Variants in APBB1IP observed in about 807,000 individuals in gnomAD.
The protein encoded by APBB1IP is amyloid beta A4 precursor protein-binding family B member 1-interacting protein.
APBB1IP carries 27 observed loss-of-function variants against 64.9 expected under a neutral mutation model. The observed-to-expected ratio is 0.42, with a 90% CI of 0.31 to 0.57. The LOEUF is 0.57. Among genes scored for constraint, APBB1IP ranks in the 20% least tolerant of loss-of-function variants. The pLI, the probability that APBB1IP is intolerant of heterozygous loss-of-function variation, is 0.20. For missense variants in APBB1IP, 812 were observed against 845.5 expected, an observed-to-expected ratio of 0.96 and a Z score of 0.49; for synonymous variants, 392 against 331.0, an observed-to-expected ratio of 1.18 and a Z score of -2.00.
At chr10:26,454,874 T>C (rs756930520) in intron 2 of APBB1IP, among the ~76,000 whole-genome samples, 1 of 152,168 alleles carries the variant, frequency 6.6e-6, no homozygotes, top group Non-Finnish European at 1.5e-5. Flanking sequence ...AGATACCACC[T>C]CACATCCATT....
rs111753740 is a variant in APBB1IP at position 26,478,074 on chromosome 10, G to A, written c.1-14253G>A. Among the ~76,000 whole-genome samples, 526 of 152,298 alleles carry A rather than the reference G, an allele frequency of 3.5e-3. 7 individuals carry two copies. Among genetic ancestry groups the A allele is most frequent in the African/African-American group, 0.012 (496 of 41,570 alleles). ...TCCCTGCCCTCACCGGGCTTACACC[G>A]TAGTTGATGAGCGGGAAGAGAGTAT... On this transcript the variant is annotated intron_variant, in intron 2 of 14. Transcript: ENST00000376236.
intron 11 of APBB1IP, among the ~76,000 whole-genome samples, chr10:26,550,172 T>C (rs979762946): frequency 5.3e-5 from 8 of 152,172 alleles, no homozygotes; most frequent in Admixed American, 3.9e-4. Flanking sequence ...CTTGCTGCTT[T>C]CAGGTGCATC....
chr10:26,517,618 G>GT (rs1564366988), intron 8 of APBB1IP, among the ~76,000 whole-genome samples: 2 of 152,094 alleles, frequency 1.3e-5, no homozygotes, highest in Admixed American at 1.3e-4. Context: ...TTTTGTTTTT[G>GT]TTTTTTTGAG....
chr10:26,530,851 A>G (rs1278083189), intron 8 of APBB1IP, among the ~76,000 whole-genome samples: 1 of 152,166 alleles, frequency 6.6e-6, no homozygotes, highest in Admixed American at 6.5e-5. Flanking sequence ...GTAAAGCCTT[A>G]GCATAGGTTT....
intron 11 of APBB1IP, among the ~76,000 whole-genome samples, chr10:26,542,698 A>G (rs1836711647): frequency 6.6e-6 from 1 of 152,024 alleles, no homozygotes; most frequent in African/African-American, 2.4e-5. Context: ...TCAAATAATA[A>G]TTGGTTGAAA....
chr10:26,449,287 G>A (rs1835439450), intron 2 of APBB1IP, among the ~76,000 whole-genome samples: 1 of 152,124 alleles, frequency 6.6e-6, no homozygotes, highest in South Asian at 2.1e-4. Flanking sequence ...GGACTTGGGT[G>A]TGTGTTTATG....
At chr10:26,439,282 G>A (rs1323628267) in intron 2 of APBB1IP, among the ~76,000 whole-genome samples, 1 of 152,188 alleles carries the variant, frequency 6.6e-6, no homozygotes, top group Non-Finnish European at 1.5e-5. Flanking sequence ...AAGATTAGAT[G>A]TGGATTAAAT....
At chr10:26,498,380 G>T (rs984986086) in intron 4 of APBB1IP, among the ~76,000 whole-genome samples, 12 of 151,982 alleles carry the variant, frequency 7.9e-5, no homozygotes, top group Non-Finnish European at 1.5e-4. Context: ...AAGGTGGCGG[G>T]CACCTGTAAT....
chr10:26,521,904 C>T (rs1836406437), intron 8 of APBB1IP, among the ~76,000 whole-genome samples: 1 of 152,118 alleles, frequency 6.6e-6, no homozygotes, highest in South Asian at 2.1e-4. Context: ...GCATGCGCCA[C>T]CATGCCCAGC....
chr10:26,534,846 C>T (rs1469457684), intron 9 of APBB1IP, among the ~76,000 whole-genome samples: 1 of 152,160 alleles, frequency 6.6e-6, no homozygotes, highest in African/African-American at 2.4e-5. Flanking sequence ...ATGCTATGAA[C>T]AATCGTTATC....
chr10:26,462,205 C>G (rs1835601440), intron 2 of APBB1IP, among the ~76,000 whole-genome samples: 1 of 152,218 alleles, frequency 6.6e-6, no homozygotes. Flanking sequence ...AAAAGTTTCC[C>G]AAGTCCTGCC....
chr10:26,503,288 C>A lies in APBB1IP; in HGVS notation c.531+14C>A, dbSNP rs555032115. ...AAGGTTAAGAAGGTGAATCATGAAT[C>A]CCTTTTGCATGGGGGCAGTTCAATT... On this transcript the variant is annotated intron_variant, in intron 6 of 14. Transcript: ENST00000376236. 6 of 1,613,576 alleles carry A rather than the reference C, an allele frequency of 3.7e-6. No homozygotes were observed. The African/African-American group carries it at 8.0e-5, about 22-fold the overall frequency.
intron 9 of APBB1IP, among the ~76,000 whole-genome samples, chr10:26,534,369 C>G (rs1836593409): frequency 6.6e-6 from 1 of 150,628 alleles, no homozygotes; most frequent in South Asian, 2.1e-4. Context: ...TGCCAGATCT[C>G]AAATCACAAA....
chr10:26,553,791 C>T (rs1836861645), intron 11 of APBB1IP, among the ~76,000 whole-genome samples: 1 of 152,164 alleles, frequency 6.6e-6, no homozygotes, highest in Non-Finnish European at 1.5e-5. Flanking sequence ...GTGGAAACTG[C>T]TATTATTAAG....
At chr10:26,493,052 C>T (rs1835976896) in intron 3 of APBB1IP, among the ~76,000 whole-genome samples, 1 of 152,180 alleles carries the variant, frequency 6.6e-6, no homozygotes, top group South Asian at 2.1e-4. Context: ...ATTCTTTTCC[C>T]AGGGCTATTA....
chr10:26,543,736 C>T (rs1836727048), intron 11 of APBB1IP, among the ~76,000 whole-genome samples: 1 of 152,068 alleles, frequency 6.6e-6, no homozygotes, highest in Non-Finnish European at 1.5e-5. Flanking sequence ...GGGGCCAGGG[C>T]TCCTTTGGAT....
At chr10:26,510,852 G>A (rs1006864591) in intron 6 of APBB1IP, among the ~76,000 whole-genome samples, 3 of 151,782 alleles carry the variant, frequency 2.0e-5, no homozygotes, top group African/African-American at 7.3e-5. Context: ...TAATCCAACT[G>A]TGATCTCAAA....
intron 2 of APBB1IP, among the ~76,000 whole-genome samples, chr10:26,441,698 C>G (rs1448797084): frequency 1.3e-5 from 2 of 152,142 alleles, no homozygotes; most frequent in Admixed American, 6.6e-5. Context: ...TCCAAGGCAT[C>G]ACACGTTCTC....
chr10:26,504,290 G>A (rs1357184922), intron 6 of APBB1IP, among the ~76,000 whole-genome samples: 1 of 152,162 alleles, frequency 6.6e-6, no homozygotes, highest in East Asian at 1.9e-4. Context: ...TTCCTAATAA[G>A]CCTGTAAGTT....
Sources: allele counts gnomAD v4.1 joint callset (sites outside exome capture counted in the v4.1 genomes callset), GRCh38; gene constraint gnomAD v4.1.1; transcripts MANE v1.5; gene names NCBI Gene and HGNC (gene_info 2026-07-23, HGNC 2026-07-21).